SHISA5: variants seen among roughly 807,000 people sequenced by gnomAD.
SHISA5 encodes the protein shisa family member 5.
Under a neutral mutation model 27.5 loss-of-function variants are expected in SHISA5, and 21 were observed. The ratio of observed to expected loss-of-function variants is 0.76; its 90% confidence interval spans 0.54 to 1.10. The LOEUF is 1.10. SHISA5 is among the 50% of genes least tolerant of loss of function. The pLI is 0.00. For synonymous variants in SHISA5, 137 were observed against 142.2 expected (o/e 0.96, Z 0.26); for missense variants, 314 against 336.3 (o/e 0.93, Z 0.52).
At chr3:48,495,014 C>G (rs2041507491) in intron 2 of SHISA5, among the ~76,000 whole-genome samples, 1 of 145,956 alleles carries the variant, frequency 6.9e-6, no homozygotes, top group South Asian at 2.1e-4. Flanking sequence ...GCTATGTTGC[C>G]CAGGCTAGCC....
intron 3 of SHISA5, chr3:48,477,226 C>A (rs2040857325): frequency 2.7e-6 from 1 of 365,328 alleles, no homozygotes; most frequent in African/African-American, 2.2e-5. Context: ...TACAGAGTAG[C>A]TGGAATTACA....
At chr3:48,479,683 C>G (rs553518594) in intron 2 of SHISA5, 1 of 161,520 alleles carries the variant, frequency 6.2e-6, no homozygotes, top group South Asian at 1.8e-4. Flanking sequence ...ACCTCCGCCT[C>G]CCAGGTTCAA....
chr3:48,470,033 G>GT lies in SHISA5; in HGVS notation c.315-191dup. ...TAAACTGGGGTATATGTGAGTCCCT[G>GT]TAACTGTCTCTCCCTGGGTCTCCCC... On this transcript the variant is annotated intron_variant, in intron 3 of 5. Coordinates refer to ENST00000296444, the MANE Select transcript of SHISA5 (RefSeq NM_016479.6). The surrounding 1 kb of genome is among the most constrained non-coding windows in gnomAD (Gnocchi z 4.3). The GT allele has an allele frequency of 4.3e-6, 3 of 702,850 alleles. No individual in the cohort carries two copies. The highest frequency in any genetic ancestry group is 7.0e-6 in the Non-Finnish European group (3 of 427,804). The allele number at this position is 702,850 out of a possible 1,614,324, so 43.5% of individuals were successfully genotyped here. A position where few individuals can be genotyped will look rare whatever the true frequency, so the allele number is the denominator to read the frequency against.
chr3:48,501,567 G>T (rs1403974641), intron 1 of SHISA5, among the ~76,000 whole-genome samples: 1 of 152,120 alleles, frequency 6.6e-6, no homozygotes, highest in East Asian at 1.9e-4. Flanking sequence ...CTTTCTCAAT[G>T]TGAGTCTGAT....
intron 2 of SHISA5, among the ~76,000 whole-genome samples, chr3:48,488,663 G>A (rs1348004737): frequency 2.6e-5 from 4 of 151,038 alleles, no homozygotes; most frequent in East Asian, 2.0e-4. Flanking sequence ...GAGAAACCCC[G>A]TCTCTACTAA....
Position 48,504,133 on chromosome 3 carries a change from G to T in SHISA5, c.-39C>A. The T allele has an allele frequency of 9.2e-7, 1 of 1,082,190 alleles. No homozygotes were observed. Among genetic ancestry groups the T allele is most frequent in the African/African-American group, 1.7e-5 (1 of 60,532 alleles). 67.0% of individuals were successfully genotyped at this position (1,082,190 alleles called of 1,614,324 possible). On this transcript the variant is annotated 5_prime_UTR_variant, in exon 1 of 6. Transcript: ENST00000296444. This position sits in a 1 kb window ranked among gnomAD's most constrained non-coding sequence, Gnocchi z 4.0. ...GACGGGCGGACGGACGCGAGCGCCG[G>T]GCGCAGTGCCGCCACAGCCTCAGTG...
chr3:48,479,152 C>T, intron 3 of SHISA5, 25 bp downstream of exon 3: 1 of 1,589,238 alleles, frequency 6.3e-7, no homozygotes, highest in Non-Finnish European at 8.6e-7. Context: ...CAGGAAGATG[C>T]ACCCAGCCAG....
At position 48,468,303 on chromosome 3, in the gene SHISA5, T is replaced by C; in HGVS notation, c.*804A>G. 4 of 1,022,674 alleles carry C rather than the reference T, an allele frequency of 3.9e-6. No individual in the cohort carries two copies. The highest frequency in any genetic ancestry group is 4.7e-6 in the Non-Finnish European group (4 of 852,302). 63.3% of individuals were successfully genotyped at this position (1,022,674 alleles called of 1,614,324 possible). ...CAGGGAAGAGAACTGAGTGTGCTGG[T>C]GGACAGGAGCCCTGCTCACCTGTGG... On this transcript the variant is annotated 3_prime_UTR_variant, in exon 6 of 6. Transcript: ENST00000296444.
At position 48,469,604 on chromosome 3, in the gene SHISA5, T is replaced by TC. The variant is rs758034629; in HGVS notation, c.431-32dup. The TC allele has an allele frequency of 1.7e-5, 27 of 1,594,946 alleles. No individual in the cohort carries two copies. Among genetic ancestry groups the TC allele is most frequent in the Non-Finnish European group, 2.1e-5 (24 of 1,168,710 alleles). ...AAGAGAATTCCAGTCAGGACCCTCCTCCATCTCCCCAGGTCTTGAGAGCCA... is the reference window on the plus strand; with the variant it reads ...AAGAGAATTCCAGTCAGGACCCTCCTCCCATCTCCCCAGGTCTTGAGAGCCA... On this transcript the variant is annotated intron_variant, in intron 4 of 5. Coordinates refer to ENST00000296444, the MANE Select transcript of SHISA5 (RefSeq NM_016479.6). This position sits in a 1 kb window ranked among gnomAD's most constrained non-coding sequence, Gnocchi z 4.6.
chr3:48,503,575 C>T (rs772203930), intron 1 of SHISA5: 209 of 430,800 alleles, frequency 4.9e-4, no homozygotes, highest in Non-Finnish European at 6.6e-4. Flanking sequence ...GCCTCAGCGC[C>T]GGGCTCTACA....
chr3:48,471,428 G>GCC (rs2040609902), intron 3 of SHISA5, among the ~76,000 whole-genome samples: 4 of 78,950 alleles, frequency 5.1e-5, no homozygotes, highest in Non-Finnish European at 7.5e-5. Context: ...CTAAAAATTA[G>GCC]CCGGTAGTCC....
Position 48,473,187 on chromosome 3 carries a change from A to C in SHISA5, c.315-3344T>G. On this transcript the variant is annotated intron_variant, in intron 3 of 5. Transcript: ENST00000296444. This position sits in a 1 kb window ranked among gnomAD's most constrained non-coding sequence, Gnocchi z 4.3. ...CGCGAAGCCCCGTTCCACCCTCTTA[A>C]AGACACAGGATGGCCCCGCCCAGCA... 3.5e-6 allele frequency: 5 copies of C among 1,432,644 alleles called. No individual in the cohort carries two copies. The highest frequency in any genetic ancestry group is 2.9e-5 in the South Asian group (2 of 68,252). 88.7% of individuals were successfully genotyped at this position (1,432,644 alleles called of 1,614,324 possible).
Position 48,469,550 on chromosome 3 carries a change from T to C in SHISA5, c.454A>G (p.Thr152Ala). ...GGATAAGGGGCATGCACCACAGTGG[T>C]GGATGTGGTGGTGGTGACAACCGCT... Reference protein sequence around the residue: ...PRPVVTTTTSTTVVHAPYPQP... With the variant: ...PRPVVTTTTSATVVHAPYPQP... Residue 152 changes from threonine to alanine, a missense_variant, in exon 5 of 6, where the codon ACC becomes GCC. Physicochemically the swap from Thr to Ala is moderately conservative, Grantham distance 58. Coordinates refer to ENST00000296444, the MANE Select transcript of SHISA5 (RefSeq NM_016479.6). This position sits in a 1 kb window ranked among gnomAD's most constrained non-coding sequence, Gnocchi z 4.6. The C allele has an allele frequency of 1.9e-6, 3 of 1,609,718 alleles. No homozygotes were observed. The highest frequency in any genetic ancestry group is 1.7e-5 in the Admixed American group (1 of 59,770).
Position 48,474,208 on chromosome 3 carries a change from C to T in SHISA5, c.315-4365G>A, listed in dbSNP as rs143754913. ...GCTCAAGTGATCCTCCCACCTCAGTCCCCCAAGTAGCTGGAACCACAGGCA... is the reference window on the plus strand; with the variant it reads ...GCTCAAGTGATCCTCCCACCTCAGTTCCCCAAGTAGCTGGAACCACAGGCA... On this transcript the variant is annotated intron_variant, in intron 3 of 5. Transcript: ENST00000296444. Among the ~76,000 whole-genome samples, 631 of 151,870 alleles carry T rather than the reference C, an allele frequency of 4.2e-3. 8 individuals carry two copies. The highest frequency in any genetic ancestry group is 0.015 in the African/African-American group (605 of 41,392).
chr3:48,485,997 C>T (rs1308909763), intron 2 of SHISA5, among the ~76,000 whole-genome samples: 1 of 150,904 alleles, frequency 6.6e-6, no homozygotes, highest in African/African-American at 2.4e-5. Context: ...ACTGAGTAGA[C>T]GGCTCAGCCT....
chr3:48,483,453 T>C lies in SHISA5; in HGVS notation c.234-4196A>G, dbSNP rs183529843. ...CCCAAGGCAGAAGAATTTTTCTCAG[T>C]ATAGAACAAAATGAAAGGTCTCCCA... On this transcript the variant is annotated intron_variant, in intron 2 of 5. Transcript: ENST00000296444. Among the ~76,000 whole-genome samples, 446 of 152,268 alleles carry C rather than the reference T, an allele frequency of 2.9e-3. 2 individuals carry two copies. The highest frequency in any genetic ancestry group is 4.0e-3 in the Non-Finnish European group (272 of 68,008).
At chr3:48,476,341 C>CAA (rs1250491645) in intron 3 of SHISA5, among the ~76,000 whole-genome samples, 27 of 62,278 alleles carry the variant, frequency 4.3e-4, no homozygotes, top group South Asian at 9.9e-4. Context: ...AACTCCATCT[C>CAA]AAAAAAAAAA....
chr3:48,504,372 T>G, upstream of SHISA5: 4 of 306,932 alleles, frequency 1.3e-5, no homozygotes, highest in Non-Finnish European at 2.4e-5. The surrounding 1 kb of genome is among the most constrained non-coding windows in gnomAD (Gnocchi z 4.0). Flanking sequence ...TGGTACCGGT[T>G]CCCAGACTCG....
intron 3 of SHISA5, among the ~76,000 whole-genome samples, chr3:48,476,295 T>A (rs1376757263): frequency 6.7e-6 from 1 of 148,442 alleles, no homozygotes; most frequent in African/African-American, 2.5e-5. Flanking sequence ...GAGCAGAGAT[T>A]GTGCCACTGC....
Sources: allele counts gnomAD v4.1 joint callset (sites outside exome capture counted in the v4.1 genomes callset), GRCh38; gene constraint gnomAD v4.1.1; non-coding constraint Gnocchi (gnomAD v3.1); transcripts MANE v1.5; gene names NCBI Gene and HGNC (gene_info 2026-07-23, HGNC 2026-07-21).